NR4A2: variants seen among roughly 807,000 people sequenced by gnomAD.
The protein encoded by NR4A2 is nuclear receptor subfamily 4 group A member 2, also known as NGFI-B/nur77 beta-type transcription factor homolog.
A neutral mutation model predicts 50.5 loss-of-function variants in NR4A2; 1 was observed. The ratio of observed to expected loss-of-function variants is 0.02; its 90% CI spans 0.01 to 0.09. The LOEUF is 0.09. Among genes scored for constraint, NR4A2 ranks in the 10% least tolerant of loss-of-function variants. The pLI is 1.00. For missense variants in NR4A2, 613 were observed against 777.3 expected (o/e 0.79, Z 2.51); for synonymous variants, 328 against 309.4 (o/e 1.06, Z -0.63).
Position 156,326,935 on chromosome 2 carries a change from T to TA in NR4A2, c.1159-16dup. ...TTCGCCTGGAACTGGAATTTCATTT[T>TA]AAAAAGCACTTAATGAGGTTCTCTA... On this transcript the variant is annotated splice_polypyrimidine_tract_variant and intron_variant, in intron 5 of 7. Transcript: ENST00000339562. This position sits in a 1 kb window ranked among gnomAD's most constrained non-coding sequence, Gnocchi z 4.2. 1 of 1,612,792 alleles carries TA rather than the reference T, an allele frequency of 6.2e-7. No individual in the cohort carries two copies. The highest frequency in any genetic ancestry group is 8.5e-7 in the Non-Finnish European group (1 of 1,178,920).
chr2:156,331,501 G>C lies in NR4A2; in HGVS notation c.-126-710C>G, dbSNP rs190298549. 1.3e-5 allele frequency among the ~76,000 whole-genome samples: 2 copies of C among 152,322 alleles called. 1 individual carries two copies. The highest frequency in any genetic ancestry group is 3.9e-4 in the East Asian group (2 of 5,174). ...CCAGGAGCTTCTTAGGTCAATTGCA[G>C]AGGGGGGACATACTGCTTATATGGT... On this transcript the variant is annotated intron_variant, in intron 1 of 7. Coordinates refer to ENST00000339562, the MANE Select transcript of NR4A2 (RefSeq NM_006186.4).
chr2:156,327,872 C>A lies in NR4A2; in HGVS notation c.1137G>T (p.Met379Ile). ...TTACCCTGGAATAGTCCAGGCTGGT[C>A]ATAGCCGGGTTGGAGTCGACATGGG... ...VRAHVDSNPA[M>I]TSLDYSRFQA... The change falls in exon 5 of 8, where the codon ATG becomes ATT. Residue 379 changes from methionine to isoleucine, a missense_variant. Transcript: ENST00000339562. The A allele has an allele frequency of 6.3e-7, 1 of 1,588,548 alleles. No homozygotes were observed. Among genetic ancestry groups the A allele is most frequent in the South Asian group, 1.1e-5 (1 of 87,338 alleles).
chr2:156,328,256 G>A lies in NR4A2; in HGVS notation c.994+148C>T, dbSNP rs1573815542. ...CTGGCGGCTTTCTCTAGGGAAGGCC[G>A]GGCAAGCAGGCAGCTGCAGGGTCCT... On this transcript the variant is annotated intron_variant, in intron 4 of 7. Transcript: ENST00000339562. The surrounding 1 kb of genome is among the most constrained non-coding windows in gnomAD (Gnocchi z 4.9). 4.4e-6 allele frequency: 6 copies of A among 1,361,202 alleles called. No individual in the cohort carries two copies. In the East Asian group the frequency reaches 9.4e-5, roughly 21 times the overall value. 84.3% of individuals were successfully genotyped at this position (1,361,202 alleles called of 1,614,324 possible). A position where few individuals can be genotyped will look rare whatever the true frequency, so the allele number is the denominator to read the frequency against.
rs541868835 is a variant in NR4A2 at position 156,330,726 on chromosome 2, A to G, written c.-61T>C. 211 of 1,258,964 alleles carry G rather than the reference A, an allele frequency of 1.7e-4. No individual in the cohort carries two copies. The African/African-American group carries it at 3.0e-3, about 18-fold the overall frequency. 78.0% of individuals were successfully genotyped at this position (1,258,964 alleles called of 1,614,324 possible). On this transcript the variant is annotated 5_prime_UTR_variant, in exon 2 of 8. Coordinates refer to ENST00000339562, the MANE Select transcript of NR4A2 (RefSeq NM_006186.4). The stretch of plus-strand genomic sequence containing the variant: ...TAAAGGTGGACAGTGTCGTAATTCA[A>G]TGAAGGACAAAGTTTCCAAGATTTT...
rs764926329 is a variant in NR4A2 at position 156,325,661 on chromosome 2, G to A, written c.*83C>T. 205 of 1,548,850 alleles carry A rather than the reference G, an allele frequency of 1.3e-4. No individual in the cohort carries two copies. The highest frequency in any genetic ancestry group is 2.2e-4 in the Middle Eastern group (1 of 4,544). On this transcript the variant is annotated 3_prime_UTR_variant, in exon 8 of 8. Coordinates refer to ENST00000339562, the MANE Select transcript of NR4A2 (RefSeq NM_006186.4). ...CAGCTTGAGCTGAGACTGCTCACAC[G>A]GCTATCTCTGCCCATGTGACTTGCC... is the stretch of plus-strand genomic sequence containing the variant.
At chr2:156,331,455 G>A (rs1686921348) in intron 1 of NR4A2, among the ~76,000 whole-genome samples, 1 of 152,164 alleles carries the variant, frequency 6.6e-6, no homozygotes, top group Admixed American at 6.5e-5. Flanking sequence ...GTCACAAGGT[G>A]GGAAGAGGGG....
At position 156,325,656 on chromosome 2, in the gene NR4A2, C is replaced by G; in HGVS notation, c.*88G>C. 1.3e-6 allele frequency: 2 copies of G among 1,535,524 alleles called. No individual in the cohort carries two copies. Among genetic ancestry groups the G allele is most frequent in the Non-Finnish European group, 1.8e-6 (2 of 1,110,732 alleles). ...GGGGGCAGCTTGAGCTGAGACTGCT[C>G]ACACGGCTATCTCTGCCCATGTGAC... On this transcript the variant is annotated 3_prime_UTR_variant, in exon 8 of 8. Transcript: ENST00000339562.
Position 156,326,632 on chromosome 2 carries a change from C to A in NR4A2, c.1361+86G>T. On this transcript the variant is annotated intron_variant, in intron 6 of 7. Coordinates refer to ENST00000339562, the MANE Select transcript of NR4A2 (RefSeq NM_006186.4). The surrounding 1 kb of genome is among the most constrained non-coding windows in gnomAD (Gnocchi z 4.2). The stretch of plus-strand genomic sequence containing the variant: ...CTATTCTGTCTTTTTCTCTACCCCA[C>A]CCTCTGGTTTCCCTTCCTCCCTTTC... 3.6e-6 allele frequency: 5 copies of A among 1,395,176 alleles called. No homozygotes were observed. The highest frequency in any genetic ancestry group is 5.1e-6 in the Non-Finnish European group (5 of 988,206). 86.4% of individuals were successfully genotyped at this position (1,395,176 alleles called of 1,614,324 possible). A position where few individuals can be genotyped will look rare whatever the true frequency, so the allele number is the denominator to read the frequency against.
intron 1 of NR4A2, 139 bp downstream of exon 1, chr2:156,332,341 C>T: frequency 1.6e-6 from 1 of 635,678 alleles, no homozygotes. Flanking sequence ...ACGCACTCCC[C>T]ATCCTTCGGT....
At position 156,326,158 on chromosome 2, in the gene NR4A2, A is replaced by G. The variant is rs767160266; in HGVS notation, c.1532T>C (p.Met511Thr). 2.9e-5 allele frequency: 47 copies of G among 1,614,136 alleles called. No homozygotes were observed. Among genetic ancestry groups the G allele is most frequent in the Non-Finnish European group, 3.7e-5 (44 of 1,180,044 alleles). The change falls in exon 7 of 8, where the codon ATG becomes ACG. Residue 511 changes from methionine (M) to threonine (T), a missense_variant. Met to Thr is a moderately conservative substitution (Grantham distance 81, BLOSUM62 -1). Transcript: ENST00000339562. The surrounding 1 kb of genome is among the most constrained non-coding windows in gnomAD (Gnocchi z 4.2). The part of the protein sequence containing the change: ...SAFSCIAALA[M>T]VTERHGLKEP... ...GCGCCTGCAGTACTGACCTGTGACCATAGCCAGGGCAGCAATGCAGGAGAA... is the reference window on the plus strand; with the variant it reads ...GCGCCTGCAGTACTGACCTGTGACCGTAGCCAGGGCAGCAATGCAGGAGAA...
intron 5 of NR4A2, 146 bp from the exon 6 acceptor site, chr2:156,327,066 G>A (rs1337552044): frequency 5.2e-6 from 4 of 773,612 alleles, no homozygotes; most frequent in South Asian, 1.5e-5. Flanking sequence ...ATGTTCCGGG[G>A]CAATTAATTC....
At chr2:156,327,769 T>G in intron 5 of NR4A2, 82 bp downstream of exon 5, 28 of 1,511,654 alleles carry the variant, frequency 1.9e-5, no homozygotes, top group Non-Finnish European at 2.2e-5. Flanking sequence ...CCGTTGAATC[T>G]GAGAGTTAAT....
At chr2:156,331,986 A>G (rs1340388581) in intron 1 of NR4A2, 6 of 162,634 alleles carry the variant, frequency 3.7e-5, no homozygotes, top group African/African-American at 1.4e-4. Context: ...CACGCTACCA[A>G]CACCACCCTT....
chr2:156,329,653 A>G lies in NR4A2; in HGVS notation c.534T>C (p.Phe178=). 1 of 1,613,978 alleles carries G rather than the reference A, an allele frequency of 6.2e-7. No individual in the cohort carries two copies. The highest frequency in any genetic ancestry group is 8.5e-7 in the Non-Finnish European group (1 of 1,179,970). The change falls in exon 3 of 8, where the codon TTT becomes TTC. Residue 178 remains phenylalanine, a synonymous_variant. Coordinates refer to ENST00000339562, the MANE Select transcript of NR4A2 (RefSeq NM_006186.4). The surrounding 1 kb of genome is among the most constrained non-coding windows in gnomAD (Gnocchi z 7.5). ...CCGGGGTGCCAGGGGGCGATTGCTT[A>G]AAGGAGAAGAGGGAGAGGCGGGAGA... ...TPVSRLSLFS[F]KQSPPGTPVS...
chr2:156,331,971 C>G (rs1490639774), intron 1 of NR4A2: 1 of 158,210 alleles, frequency 6.3e-6, no homozygotes, highest in Non-Finnish European at 1.4e-5. Context: ...AACTTAGTAA[C>G]AGGACACGCT....
intron 1 of NR4A2, 133 bp from the exon 2 acceptor site, chr2:156,330,924 C>T (rs2105618865): frequency 3.0e-6 from 2 of 655,838 alleles, no homozygotes; most frequent in East Asian, 6.9e-5. Context: ...AAGCCTTTAC[C>T]AAACATAGCA....
chr2:156,332,399 C>T, intron 1 of NR4A2, 81 bp downstream of exon 1: 2 of 1,174,262 alleles, frequency 1.7e-6, no homozygotes, highest in Non-Finnish European at 1.1e-6. Flanking sequence ...AGAACCTGTC[C>T]CACACAAGTG....
At position 156,329,975 on chromosome 2, in the gene NR4A2, T is replaced by C. The variant is rs747834372; in HGVS notation, c.212A>G (p.Tyr71Cys). The C allele has an allele frequency of 6.2e-7, 1 of 1,614,202 alleles. No homozygotes were observed. Residue 71 changes from tyrosine (Y) to cysteine (C), a missense_variant, in exon 3 of 8, where the codon TAC (tyrosine) becomes TGC (cysteine). This residue lies in a region of NR4A2 where 61 missense variants were observed against 96.4 expected (regional missense o/e 0.63). Coordinates refer to ENST00000339562, the MANE Select transcript of NR4A2 (RefSeq NM_006186.4). The surrounding 1 kb of genome is among the most constrained non-coding windows in gnomAD (Gnocchi z 7.5). ...STFMDNYSTG[Y>C]DVKPPCLYQM... is the part of the protein sequence containing the mutation. ...GTACAAGCAAGGTGGCTTGACGTCGTAGCCTGTGCTGTAGTTGTCCATAAA... is the reference window on the plus strand; with the variant it reads ...GTACAAGCAAGGTGGCTTGACGTCGCAGCCTGTGCTGTAGTTGTCCATAAA...
At position 156,326,218 on chromosome 2, in the gene NR4A2, G is replaced by A; in HGVS notation, c.1472C>T (p.Ser491Phe). Reference sequence around the variant, plus strand: ...GTCGATGTTCATATTCTGCAAGTTGGAGGAGAATTCAACAATGGAATCAAT... The same window carrying A: ...GTCGATGTTCATATTCTGCAAGTTGAAGGAGAATTCAACAATGGAATCAAT... ...EWIDSIVEFS[S>F]NLQNMNIDIS... Residue 491 changes from serine (S) to phenylalanine (F), a missense_variant, in exon 7 of 8, where the codon TCC (serine) becomes TTC (phenylalanine). Physicochemically the swap from Ser to Phe is radical, Grantham distance 155. Coordinates refer to ENST00000339562, the MANE Select transcript of NR4A2 (RefSeq NM_006186.4). The surrounding 1 kb of genome is among the most constrained non-coding windows in gnomAD (Gnocchi z 4.2). The A allele has an allele frequency of 6.2e-7, 1 of 1,614,210 alleles. No homozygotes were observed. The highest frequency in any genetic ancestry group is 8.5e-7 in the Non-Finnish European group (1 of 1,180,042).
Sources: gnomAD v4.1 joint callset for allele counts (sites outside exome capture counted in the v4.1 genomes callset) on GRCh38, gnomAD v4.1.1 for gene constraint, gnomAD v4.1.1 regional missense constraint, Gnocchi (gnomAD v3.1) non-coding constraint, MANE v1.5 for transcripts, NCBI Gene and HGNC (gene_info 2026-07-23, HGNC 2026-07-21) for gene names.